The following PLCE1 variants were observed in gnomAD, a reference collection of about 807,000 sequenced individuals.
PLCE1 encodes 1-phosphatidylinositol 4,5-bisphosphate phosphodiesterase epsilon-1.
Under a neutral mutation model 242.8 loss-of-function variants are expected in PLCE1, and 119 were observed. That is an observed-to-expected ratio of 0.49 (90% CI 0.42 to 0.57). The LOEUF is 0.57. Ranked by LOEUF, PLCE1 falls within the 20% of genes least tolerant of loss-of-function variation. The pLI, the probability that PLCE1 is intolerant of heterozygous loss-of-function variation, is 0.00. For missense variants in PLCE1, 2,441 were observed against 2,788.8 expected (o/e 0.88, Z 2.81); for synonymous variants, 945 against 1,017.4 (o/e 0.93, Z 1.35).
chr10:94,120,268 T>C (rs1363571422), intron 2 of PLCE1, among the ~76,000 whole-genome samples: 1 of 152,234 alleles, frequency 6.6e-6, no homozygotes, highest in Non-Finnish European at 1.5e-5. Context: ...TCATTTGCTC[T>C]GCCTGAGGTG....
At chr10:94,131,848 T>A (rs2046606920) in intron 2 of PLCE1, among the ~76,000 whole-genome samples, 1 of 152,214 alleles carries the variant, frequency 6.6e-6, no homozygotes, top group Non-Finnish European at 1.5e-5. Flanking sequence ...AAGGAAAGGT[T>A]TGCCTTCATC....
intron 2 of PLCE1, among the ~76,000 whole-genome samples, chr10:94,075,540 T>C: frequency 6.6e-6 from 1 of 152,256 alleles, no homozygotes; most frequent in East Asian, 1.9e-4. Flanking sequence ...CTGCTGGCAT[T>C]CTGTTCTTTA....
chr10:94,124,775 A>G (rs1449108734), intron 2 of PLCE1, among the ~76,000 whole-genome samples: 3 of 152,212 alleles, frequency 2.0e-5, no homozygotes, highest in Non-Finnish European at 4.4e-5. Context: ...ATGAAAAATT[A>G]GTAGAGAGAA....
intron 1 of PLCE1, among the ~76,000 whole-genome samples, chr10:93,998,617 A>G (rs1333573089): frequency 1.3e-5 from 2 of 152,182 alleles, no homozygotes; most frequent in Non-Finnish European, 2.9e-5. Context: ...CACCTAAAGC[A>G]CTTTGCATAG....
chr10:93,998,150 G>A (rs1327276095), intron 1 of PLCE1, among the ~76,000 whole-genome samples: 1 of 152,200 alleles, frequency 6.6e-6, no homozygotes, highest in African/African-American at 2.4e-5. Flanking sequence ...AGGCTGGTCT[G>A]GGGGCAAGAA....
At chr10:94,279,031 A>G (rs1330193976) in intron 19 of PLCE1, among the ~76,000 whole-genome samples, 1 of 152,160 alleles carries the variant, frequency 6.6e-6, no homozygotes, top group East Asian at 1.9e-4. Context: ...TCCAGCAGAC[A>G]ACCATTGCTT....
chr10:94,207,281 A>C (rs1223597995), intron 4 of PLCE1, among the ~76,000 whole-genome samples: 3 of 152,204 alleles, frequency 2.0e-5, no homozygotes, highest in Non-Finnish European at 4.4e-5. Flanking sequence ...GAAAGCCGAA[A>C]TGGTTGGGAC....
chr10:94,156,319 A>G (rs1022727928), intron 3 of PLCE1, among the ~76,000 whole-genome samples: 1 of 152,204 alleles, frequency 6.6e-6, no homozygotes, highest in Admixed American at 6.5e-5. Context: ...CTCCCACTTC[A>G]GACACCAATC....
At position 94,082,552 on chromosome 10, in the gene PLCE1, C is replaced by T. The variant is rs977410813; in HGVS notation, c.1207-49622C>T. ...GTGCACCTCATGTGACTACATTCCC[C>T]TCTACTTTACCTCAAGCTCCTTGAG... On this transcript the variant is annotated intron_variant, in intron 2 of 32. Transcript: ENST00000371380. Among the ~76,000 whole-genome samples, 6 of 152,174 alleles carry T rather than the reference C, an allele frequency of 3.9e-5. No homozygotes were observed. The East Asian group carries it at 1.2e-3, about 29-fold the overall frequency.
At chr10:94,138,072 C>T (rs2046841315) in intron 3 of PLCE1, 1 of 361,510 alleles carries the variant, frequency 2.8e-6, no homozygotes, top group African/African-American at 2.1e-5. Context: ...CGTCAGTTGT[C>T]TGTGGGCGGC....
At chr10:94,133,699 G>A (rs555638187) in intron 3 of PLCE1, among the ~76,000 whole-genome samples, 13 of 152,184 alleles carry the variant, frequency 8.5e-5, no homozygotes, top group Admixed American at 6.5e-5. Context: ...GGAGTTGCCC[G>A]AACTTCAGGG....
chr10:94,183,217 A>G (rs1354023644), intron 4 of PLCE1, among the ~76,000 whole-genome samples: 1 of 152,220 alleles, frequency 6.6e-6, no homozygotes, highest in East Asian at 1.9e-4. Flanking sequence ...TGCTTTACTG[A>G]GGATCTGCAT....
chr10:94,126,765 T>C (rs997604937), intron 2 of PLCE1, among the ~76,000 whole-genome samples: 30 of 152,226 alleles, frequency 2.0e-4, no homozygotes, highest in Non-Finnish European at 1.0e-4. Flanking sequence ...GGAAGCATAT[T>C]TGGTCATTCA....
intron 2 of PLCE1, among the ~76,000 whole-genome samples, chr10:94,128,093 T>A (rs538921108): frequency 4.0e-5 from 6 of 151,790 alleles, no homozygotes; most frequent in Non-Finnish European, 7.4e-5. Flanking sequence ...GTTCAAGTGA[T>A]TCTCGTGCCT....
At position 94,332,365 on chromosome 10, in the gene PLCE1, AG is replaced by A. The variant is rs1249064889; in HGVS notation, c.*4424del. The A allele has an allele frequency of 2.0e-5, 3 of 152,144 alleles. No homozygotes were observed. Among genetic ancestry groups the A allele is most frequent in the African/African-American group, 7.2e-5 (3 of 41,410 alleles). The allele number at this position is 152,144 out of a possible 1,614,324, so 9.4% of individuals were successfully genotyped here. ...TGATTTGACTCAGCATGGAAGACTG[AG>A]GTTGTCTTACACCCATTATTTCCCA... On this transcript the variant is annotated 3_prime_UTR_variant, in exon 33 of 33. Transcript: ENST00000371380.
intron 3 of PLCE1, among the ~76,000 whole-genome samples, chr10:94,167,518 T>A (rs982285396): frequency 4.6e-5 from 7 of 151,944 alleles, no homozygotes; most frequent in Middle Eastern, 3.2e-3. Flanking sequence ...TCTTTTTTTT[T>A]AATTTTATTA....
intron 2 of PLCE1, among the ~76,000 whole-genome samples, chr10:94,085,775 G>A (rs1205560387): frequency 1.3e-5 from 2 of 152,168 alleles, no homozygotes; most frequent in Non-Finnish European, 2.9e-5. Flanking sequence ...GGCAGGATGG[G>A]AAACTGTAGT....
At chr10:94,243,473 A>G (rs1353584666) in intron 7 of PLCE1, among the ~76,000 whole-genome samples, 2 of 152,238 alleles carry the variant, frequency 1.3e-5, no homozygotes, top group African/African-American at 2.4e-5. Context: ...TTAATTAGTG[A>G]TAATGTGTTA....
chr10:94,004,421 T>A (rs1383561855), intron 1 of PLCE1, among the ~76,000 whole-genome samples: 1 of 152,112 alleles, frequency 6.6e-6, no homozygotes, highest in African/African-American at 2.4e-5. Flanking sequence ...GAAAAAGTGT[T>A]CCTAAGGCAT....
Sources: gnomAD v4.1 joint callset for allele counts (sites outside exome capture counted in the v4.1 genomes callset) on GRCh38, gnomAD v4.1.1 for gene constraint, MANE v1.5 for transcripts, NCBI Gene and HGNC (gene_info 2026-07-23, HGNC 2026-07-21) for gene names.